Variants in YIPF1 observed in about 807,000 individuals in gnomAD.
The protein encoded by YIPF1 is protein YIPF1.
Under a neutral mutation model 37.0 loss-of-function variants are expected in YIPF1, and 22 were observed. That is an observed-to-expected ratio of 0.59 (90% CI 0.42 to 0.85). YIPF1 has a LOEUF of 0.85. Ranked by LOEUF, YIPF1 falls within the 40% of genes least tolerant of loss-of-function variation. YIPF1 has a pLI of 0.00. For missense variants in YIPF1, 355 were observed against 373.1 expected, an observed-to-expected ratio of 0.95 and a Z score of 0.40; for synonymous variants, 128 against 131.9, an observed-to-expected ratio of 0.97 and a Z score of 0.21.
At chr1:53,881,244 C>CAA (rs747288925) in intron 4 of YIPF1, among the ~76,000 whole-genome samples, 5,531 of 96,038 alleles carry the variant, frequency 0.058, 189 homozygotes, top group East Asian at 0.12. Flanking sequence ...GACTCCATCT[C>CAA]AAAAAAAAAA....
chr1:53,884,292 G>A (rs549991433), intron 3 of YIPF1, among the ~76,000 whole-genome samples: 1 of 149,350 alleles, frequency 6.7e-6, no homozygotes, highest in South Asian at 2.1e-4. Flanking sequence ...ACCACATAAA[G>A]GCAAACACTA....
At chr1:53,852,313 C>G (rs763529457) in intron 10 of YIPF1, 43 bp from the exon 11 acceptor site, 6 of 152,216 alleles carry the variant, frequency 3.9e-5, no homozygotes, top group East Asian at 1.9e-4. Flanking sequence ...AGCACCCCCC[C>G]ACCCCGACAG....
At chr1:53,878,768 T>C in intron 4 of YIPF1, 46 bp from the exon 5 acceptor site, 1 of 1,554,340 alleles carries the variant, frequency 6.4e-7, no homozygotes, top group South Asian at 1.2e-5. Context: ...AGCAATTTCT[T>C]AATTCCAGCT....
In YIPF1 at chr1:53,866,863, AC is replaced by A; in HGVS notation, c.542del (p.Gly181ValfsTer11). 1 of 1,614,096 alleles carries A rather than the reference AC, an allele frequency of 6.2e-7. No homozygotes were observed. ...YAWLVPLALW[G>X]FLMWRNSKVM... The stretch of plus-strand genomic sequence containing the variant: ...CTTTGCTGTTTCTCCACATGAGGAA[AC>A]CCCAGAGTGCAAGAGGAACCAGCCA... On this transcript the variant is annotated frameshift_variant, in exon 8 of 11. Transcript: ENST00000072644. LOFTEE classifies it high-confidence loss of function.
At chr1:53,884,635 G>A (rs1650594227) in intron 3 of YIPF1, among the ~76,000 whole-genome samples, 1 of 152,192 alleles carries the variant, frequency 6.6e-6, no homozygotes, top group Non-Finnish European at 1.5e-5. Context: ...ACACCTATCA[G>A]TGTGATCACT....
At chr1:53,880,550 G>GA (rs1438205058) in intron 4 of YIPF1, among the ~76,000 whole-genome samples, 4 of 152,060 alleles carry the variant, frequency 2.6e-5, no homozygotes, top group Admixed American at 6.6e-5. Flanking sequence ...CACGGAATTA[G>GA]AAAAAAACTA....
rs1326481395 is a variant in YIPF1 at position 53,885,084 on chromosome 1, T to C, written c.32-1808A>G. ...CCTTTGTTCAAGGTAAGACTCTTAA[T>C]ACTCAGTAGCTCCATGACCTTGAGC... is the stretch of plus-strand genomic sequence containing the variant. On this transcript the variant is annotated intron_variant, in intron 3 of 10. Coordinates refer to ENST00000072644, the MANE Select transcript of YIPF1 (RefSeq NM_018982.5). Among the ~76,000 whole-genome samples, 3 of 152,352 alleles carry C rather than the reference T, an allele frequency of 2.0e-5. No individual in the cohort carries two copies. In the East Asian group the frequency reaches 5.8e-4, roughly 29 times the overall value.
intron 10 of YIPF1, 124 bp downstream of exon 10, chr1:53,859,932 C>T (rs1051748009): frequency 1.2e-5 from 11 of 919,672 alleles, no homozygotes; most frequent in South Asian, 1.1e-4. Context: ...CACAAACCCA[C>T]GCTGAACTGT....
chr1:53,888,852 T>A (rs1398917168), intron 3 of YIPF1, 55 bp downstream of exon 3: 1 of 1,487,880 alleles, frequency 6.7e-7, no homozygotes, highest in East Asian at 2.3e-5. Context: ...AAATACTTGC[T>A]GTGACTGTAG....
intron 10 of YIPF1, 44 bp downstream of exon 10, chr1:53,860,012 T>C: frequency 1.9e-6 from 3 of 1,591,674 alleles, no homozygotes; most frequent in Non-Finnish European, 2.6e-6. Flanking sequence ...CACCTGCCCA[T>C]GTTTTATGGC....
chr1:53,879,704 T>C (rs774960250), intron 4 of YIPF1, among the ~76,000 whole-genome samples: 8 of 152,172 alleles, frequency 5.3e-5, no homozygotes, highest in Non-Finnish European at 1.2e-4. Context: ...GCAGGTGCTA[T>C]AGGCAGATAT....
chr1:53,854,456 A>G (rs1243521154), intron 10 of YIPF1, among the ~76,000 whole-genome samples: 1 of 152,134 alleles, frequency 6.6e-6, no homozygotes, highest in Non-Finnish European at 1.5e-5. Flanking sequence ...CTCTTGGCCT[A>G]TGACCTGACT....
intron 5 of YIPF1, 53 bp from the exon 6 acceptor site, chr1:53,878,455 T>G (rs535669365): frequency 6.3e-7 from 1 of 1,576,394 alleles, no homozygotes; most frequent in Admixed American, 1.7e-5. Flanking sequence ...TTTAATAAAT[T>G]CAACTACTAC....
intron 3 of YIPF1, 113 bp downstream of exon 3, chr1:53,888,794 A>G: frequency 9.1e-7 from 1 of 1,095,252 alleles, no homozygotes; most frequent in Non-Finnish European, 1.3e-6. Context: ...ACAGCCACCA[A>G]GATGTTTGAA....
intron 4 of YIPF1, among the ~76,000 whole-genome samples, chr1:53,880,025 G>A (rs926885018): frequency 1.3e-5 from 2 of 152,132 alleles, no homozygotes; most frequent in African/African-American, 4.8e-5. Flanking sequence ...AATAGTATTA[G>A]AAGTTCTGGC....
intron 7 of YIPF1, 144 bp downstream of exon 7, chr1:53,871,228 T>C (rs1183520100): frequency 7.9e-6 from 5 of 629,752 alleles, no homozygotes; most frequent in Non-Finnish European, 1.1e-5. Context: ...TAAACTCATC[T>C]ACACATTTGA....
intron 10 of YIPF1, among the ~76,000 whole-genome samples, chr1:53,856,400 T>C (rs917072266): frequency 6.6e-6 from 1 of 152,206 alleles, no homozygotes; most frequent in Non-Finnish European, 1.5e-5. Context: ...TGTCAGGTAC[T>C]TTGGGCCAAA....
intron 10 of YIPF1, among the ~76,000 whole-genome samples, chr1:53,856,903 G>A (rs1015260177): frequency 6.6e-6 from 1 of 152,192 alleles, no homozygotes; most frequent in African/African-American, 2.4e-5. Context: ...GGCAAGACCT[G>A]TGACTTGCTT....
intron 3 of YIPF1, among the ~76,000 whole-genome samples, chr1:53,884,500 A>G (rs1344796494): frequency 1.3e-5 from 2 of 152,240 alleles, no homozygotes; most frequent in East Asian, 1.9e-4. Flanking sequence ...ATGATTTTTC[A>G]TATAACAGTC....
Sources: allele counts gnomAD v4.1 joint callset (sites outside exome capture counted in the v4.1 genomes callset), GRCh38; gene constraint gnomAD v4.1.1; transcripts MANE v1.5; gene names NCBI Gene and HGNC (gene_info 2026-07-23, HGNC 2026-07-21).